The following PDZRN4 variants were observed in gnomAD, a reference collection of about 807,000 sequenced individuals.
The protein encoded by PDZRN4 is PDZ domain containing ring finger 4.
A neutral mutation model predicts 99.0 loss-of-function variants in PDZRN4; 70 were observed. The ratio of observed to expected loss-of-function variants is 0.71; its 90% CI spans 0.58 to 0.86. PDZRN4 has a LOEUF of 0.86. PDZRN4 is among the 40% of genes least tolerant of loss of function. The probability of loss-of-function intolerance (pLI) is 0.00; values close to 1 mark genes in which losing one functional copy is unlikely to be tolerated. For synonymous variants in PDZRN4, 551 were observed against 501.6 expected, an observed-to-expected ratio of 1.10 and a Z score of -1.32; for missense variants, 1,474 against 1,331.2, an observed-to-expected ratio of 1.11 and a Z score of -1.67.
rs10522706 is a variant in PDZRN4 at position 41,360,939 on chromosome 12, AGTGTGTGTGTGT to A, written c.844-145490_844-145479del. Among the ~76,000 whole-genome samples the A allele has an allele frequency of 2.7e-3, 407 of 150,476 alleles. 2 individuals are homozygous for A. Among genetic ancestry groups the A allele is most frequent in the African/African-American group, 8.8e-3 (361 of 40,874 alleles). ...ATTTATCATTCCAAAGAATAAGTAAAGTGTGTGTGTGTGTGTGTGTGTGTGTGTGTGTGTGTG... is the reference window on the plus strand; with the variant it reads ...ATTTATCATTCCAAAGAATAAGTAAAGTGTGTGTGTGTGTGTGTGTGTGTG... On this transcript the variant is annotated intron_variant, in intron 3 of 9. Transcript: ENST00000402685.
At chr12:41,535,056 T>C (rs1938726639) in intron 5 of PDZRN4, among the ~76,000 whole-genome samples, 1 of 152,202 alleles carries the variant, frequency 6.6e-6, no homozygotes, top group Non-Finnish European at 1.5e-5. Flanking sequence ...TTCATTTCAA[T>C]TGTTACAGTT....
chr12:41,205,780 T>C (rs1950845373), intron 3 of PDZRN4, among the ~76,000 whole-genome samples: 1 of 151,154 alleles, frequency 6.6e-6, no homozygotes, highest in East Asian at 1.9e-4. Flanking sequence ...CATAAGTGTC[T>C]AGTGCAACAA....
intron 5 of PDZRN4, among the ~76,000 whole-genome samples, chr12:41,515,236 T>G (rs886253383): frequency 3.3e-5 from 5 of 152,074 alleles, no homozygotes; most frequent in Non-Finnish European, 7.4e-5. Flanking sequence ...AGAGACCATA[T>G]GTTATCTGTA....
At chr12:41,392,275 A>T (rs1283401772) in intron 3 of PDZRN4, among the ~76,000 whole-genome samples, 1 of 152,148 alleles carries the variant, frequency 6.6e-6, no homozygotes, top group Non-Finnish European at 1.5e-5. Flanking sequence ...CAGAGAAAGA[A>T]GAACTTATTC....
intron 3 of PDZRN4, among the ~76,000 whole-genome samples, chr12:41,476,757 T>A (rs12819461): frequency 6.6e-6 from 1 of 152,214 alleles, no homozygotes; most frequent in Admixed American, 6.5e-5. Context: ...AACCACCTGA[T>A]AATGATGGTG....
At chr12:41,352,363 A>G (rs1274691144) in intron 3 of PDZRN4, among the ~76,000 whole-genome samples, 1 of 152,130 alleles carries the variant, frequency 6.6e-6, no homozygotes, top group Non-Finnish European at 1.5e-5. Context: ...GTCAGATGCT[A>G]ATAGTATGAG....
intron 3 of PDZRN4, among the ~76,000 whole-genome samples, chr12:41,468,794 T>C (rs1305930286): frequency 2.0e-5 from 3 of 152,202 alleles, no homozygotes; most frequent in African/African-American, 7.2e-5. Context: ...ACAAAAATAA[T>C]CAGAATTGAT....
At chr12:41,343,007 T>A (rs919535319) in intron 3 of PDZRN4, among the ~76,000 whole-genome samples, 4 of 151,920 alleles carry the variant, frequency 2.6e-5, no homozygotes, top group Non-Finnish European at 4.4e-5. Context: ...ATAAAGAATA[T>A]GTGGTTTATA....
At chr12:41,342,656 GAT>G (rs1951826590) in intron 3 of PDZRN4, among the ~76,000 whole-genome samples, 1 of 151,764 alleles carries the variant, frequency 6.6e-6, no homozygotes. Context: ...ACCACAATGA[GAT>G]ATCACCTCAA....
At chr12:41,372,247 A>G (rs115097561) in intron 3 of PDZRN4, among the ~76,000 whole-genome samples, 13 of 152,192 alleles carry the variant, frequency 8.5e-5, no homozygotes, top group Non-Finnish European at 1.9e-4. Context: ...TTATAAAACC[A>G]GTTATATAAA....
At chr12:41,566,421 CA>C (rs1939371691) in intron 8 of PDZRN4, among the ~76,000 whole-genome samples, 1 of 152,056 alleles carries the variant, frequency 6.6e-6, no homozygotes, top group Non-Finnish European at 1.5e-5. Flanking sequence ...AAAATTTGAA[CA>C]ATTATAAATT....
At chr12:41,370,519 C>A (rs1048743853) in intron 3 of PDZRN4, among the ~76,000 whole-genome samples, 5 of 151,904 alleles carry the variant, frequency 3.3e-5, no homozygotes, top group African/African-American at 1.2e-4. Context: ...TGATGTCTTA[C>A]AGTTATACAG....
At chr12:41,212,688 G>A (rs1341977970) in intron 3 of PDZRN4, among the ~76,000 whole-genome samples, 5 of 152,166 alleles carry the variant, frequency 3.3e-5, no homozygotes, top group Middle Eastern at 3.4e-3. Context: ...AGGAATTGTA[G>A]TAAATGTATG....
intron 3 of PDZRN4, among the ~76,000 whole-genome samples, chr12:41,411,048 A>AATAT (rs367970913): frequency 5.5e-5 from 7 of 128,398 alleles, no homozygotes; most frequent in South Asian, 2.5e-4. Context: ...TGAGCTTTAA[A>AATAT]ATATATATAT....
In PDZRN4 at chr12:41,191,562, T is replaced by A; in HGVS notation, c.735+18T>A. ...CAAATCAGGTAAAACACCTTGTTAA[T>A]GCATTACTCGTTACTTATAAAATAA... On this transcript the variant is annotated intron_variant, in intron 2 of 9. Transcript: ENST00000402685. 9.1e-7 allele frequency: 1 copy of A among 1,094,256 alleles called. No individual in the cohort carries two copies. The highest frequency in any genetic ancestry group is 1.4e-6 in the Non-Finnish European group (1 of 722,934). 67.8% of individuals were successfully genotyped at this position (1,094,256 alleles called of 1,614,324 possible).
intron 3 of PDZRN4, among the ~76,000 whole-genome samples, chr12:41,445,474 ACAGT>A (rs1447827094): frequency 2.0e-5 from 3 of 152,088 alleles, no homozygotes; most frequent in Non-Finnish European, 4.4e-5. Flanking sequence ...TCCTCCCACA[ACAGT>A]CAATCACTGT....
intron 3 of PDZRN4, chr12:41,413,157 T>C (rs1952412903): frequency 6.6e-6 from 1 of 151,620 alleles, no homozygotes. Flanking sequence ...AAATGTGGTA[T>C]ACATACATAA....
At position 41,188,963 on chromosome 12, in the gene PDZRN4, C is replaced by T. The variant is rs781706451; in HGVS notation, c.508C>T (p.Arg170Cys). The change falls in exon 1 of 10, where the codon CGC becomes TGC. Residue 170 changes from arginine to cysteine, a missense_variant. By Grantham distance (180) the Arg-to-Cys change is radical. Transcript: ENST00000402685. Reference protein sequence around the residue: ...PGPRVLAWRRREKALLAQLWA... With the variant: ...PGPRVLAWRRCEKALLAQLWA... ...GCCTCGGGTCCTCGCCTGGAGGCGG[C>T]GCGAGAAGGCGCTGCTGGCGCAGCT... The T allele has an allele frequency of 6.8e-6, 10 of 1,463,304 alleles. No homozygotes were observed. Among genetic ancestry groups the T allele is most frequent in the East Asian group, 5.9e-5 (2 of 33,848 alleles). 90.6% of individuals were successfully genotyped at this position (1,463,304 alleles called of 1,614,324 possible).
chr12:41,320,091 C>A lies in PDZRN4; in HGVS notation c.843+125903C>A, dbSNP rs1527083. Among the ~76,000 whole-genome samples, 22 of 152,356 alleles carry A rather than the reference C, an allele frequency of 1.4e-4. No individual in the cohort carries two copies. In the East Asian group the frequency reaches 4.0e-3, roughly 28 times the overall value. The stretch of plus-strand genomic sequence containing the variant: ...CTGTCTTACAGCTGCTGTCCCAGTA[C>A]CTGCTGTTATCCATCTTCTGCACAG... On this transcript the variant is annotated intron_variant, in intron 3 of 9. Transcript: ENST00000402685.
Sources: gnomAD v4.1 joint callset for allele counts (sites outside exome capture counted in the v4.1 genomes callset) on GRCh38, gnomAD v4.1.1 for gene constraint, MANE v1.5 for transcripts, NCBI Gene and HGNC (gene_info 2026-07-23, HGNC 2026-07-21) for gene names.